The following CDYL2 variants were observed in gnomAD, a reference collection of about 807,000 sequenced individuals.
CDYL2 encodes the protein chromodomain Y like 2.
In CDYL2, 23 loss-of-function variants were observed where a neutral mutation model predicts 49.4. That is an observed-to-expected ratio of 0.47 (90% confidence interval 0.34 to 0.66). CDYL2 has a LOEUF of 0.66. Ranked by LOEUF, CDYL2 falls within the 30% of genes least tolerant of loss-of-function variation. The probability of loss-of-function intolerance (pLI) is 0.01; values close to 1 mark genes in which losing one functional copy is unlikely to be tolerated. For missense variants in CDYL2, 678 were observed against 656.4 expected, an observed-to-expected ratio of 1.03 and a Z score of -0.36; for synonymous variants, 360 against 268.8, an observed-to-expected ratio of 1.34 and a Z score of -3.32.
chr16:80,633,365 T>C (rs1907663444), intron 2 of CDYL2, 129 bp from the exon 3 acceptor site: 2 of 836,552 alleles, frequency 2.4e-6, no homozygotes, highest in South Asian at 1.7e-5. Context: ...TTCTCCCCTG[T>C]GCCACCCTCT....
intron 1 of CDYL2, among the ~76,000 whole-genome samples, chr16:80,758,020 T>C (rs1906373585): frequency 6.6e-6 from 1 of 151,944 alleles, no homozygotes; most frequent in Non-Finnish European, 1.5e-5. Context: ...AATAAATAAA[T>C]AAAATAAGGC....
At chr16:80,777,789 T>C (rs1362883631) in intron 1 of CDYL2, among the ~76,000 whole-genome samples, 1 of 152,080 alleles carries the variant, frequency 6.6e-6, no homozygotes, top group Non-Finnish European at 1.5e-5. Context: ...AGTTGACATG[T>C]TACATAAGCT....
At chr16:80,642,792 T>G (rs1359375442) in intron 2 of CDYL2, among the ~76,000 whole-genome samples, 1 of 152,114 alleles carries the variant, frequency 6.6e-6, no homozygotes, top group African/African-American at 2.4e-5. Context: ...TAGGGAAAAT[T>G]GCCCCCATGA....
intron 1 of CDYL2, among the ~76,000 whole-genome samples, chr16:80,704,749 G>A (rs902800546): frequency 6.6e-6 from 1 of 152,206 alleles, no homozygotes; most frequent in Non-Finnish European, 1.5e-5. Context: ...AACCAAGGAG[G>A]AATGTGGCCA....
At chr16:80,694,918 G>C (rs1236295777) in intron 1 of CDYL2, among the ~76,000 whole-genome samples, 1 of 152,206 alleles carries the variant, frequency 6.6e-6, no homozygotes, top group Non-Finnish European at 1.5e-5. Flanking sequence ...AGGGCCAAAT[G>C]AAAGAGCTCC....
At chr16:80,726,789 AAAAC>A (rs761444516) in intron 1 of CDYL2, among the ~76,000 whole-genome samples, 6 of 152,322 alleles carry the variant, frequency 3.9e-5, no homozygotes, top group South Asian at 2.1e-4. Context: ...CAACAATCAC[AAAAC>A]AAACAAACAA....
intron 1 of CDYL2, among the ~76,000 whole-genome samples, chr16:80,725,485 G>C (rs1905135439): frequency 6.6e-6 from 1 of 152,192 alleles, no homozygotes; most frequent in African/African-American, 2.4e-5. Flanking sequence ...CCCCAGCATA[G>C]CTCCTGGCCC....
intron 1 of CDYL2, among the ~76,000 whole-genome samples, chr16:80,725,529 T>C (rs954072201): frequency 1.2e-4 from 18 of 152,216 alleles, no homozygotes; most frequent in Non-Finnish European, 2.2e-4. Flanking sequence ...CATTGGATAA[T>C]TGAGTCTACA....
intron 1 of CDYL2, among the ~76,000 whole-genome samples, chr16:80,700,800 C>T (rs1252274953): frequency 1.3e-5 from 2 of 152,240 alleles, no homozygotes; most frequent in East Asian, 3.8e-4. Flanking sequence ...TACATAGGTT[C>T]ACATCATGCT....
chr16:80,732,040 G>A (rs890049687), intron 1 of CDYL2, among the ~76,000 whole-genome samples: 1 of 152,120 alleles, frequency 6.6e-6, no homozygotes, highest in African/African-American at 2.4e-5. Flanking sequence ...GCCAAGGATA[G>A]TGCAAGGCTC....
intron 1 of CDYL2, among the ~76,000 whole-genome samples, chr16:80,769,505 G>A (rs747061800): frequency 6.6e-6 from 1 of 152,242 alleles, no homozygotes; most frequent in Non-Finnish European, 1.5e-5. Context: ...AGTGACGACA[G>A]CCAAGTGGGT....
chr16:80,799,122 T>G (rs974591009), intron 1 of CDYL2, among the ~76,000 whole-genome samples: 1 of 152,104 alleles, frequency 6.6e-6, no homozygotes, highest in African/African-American at 2.4e-5. Flanking sequence ...CATAAACATG[T>G]GTAGAAAACA....
At chr16:80,607,798 G>T (rs971298330) in intron 6 of CDYL2, among the ~76,000 whole-genome samples, 1 of 152,120 alleles carries the variant, frequency 6.6e-6, no homozygotes, top group Non-Finnish European at 1.5e-5. Flanking sequence ...GATGTTTTGC[G>T]TTTTTGTGGT....
intron 2 of CDYL2, among the ~76,000 whole-genome samples, chr16:80,668,328 TA>T (rs1909356470): frequency 6.6e-6 from 1 of 152,102 alleles, no homozygotes; most frequent in Admixed American, 6.6e-5. Context: ...AAATAATGGA[TA>T]AATGAATAGA....
chr16:80,730,351 G>A (rs1007609369), intron 1 of CDYL2, among the ~76,000 whole-genome samples: 6 of 151,918 alleles, frequency 3.9e-5, no homozygotes, highest in African/African-American at 1.4e-4. Flanking sequence ...AGAAAATCTA[G>A]AAGAAATGGA....
At chr16:80,712,078 T>C (rs1195904580) in intron 1 of CDYL2, among the ~76,000 whole-genome samples, 5 of 149,416 alleles carry the variant, frequency 3.3e-5, no homozygotes, top group Admixed American at 6.7e-5. Flanking sequence ...TGTGTGTATA[T>C]AGATGTGTGT....
rs1465207134 is a variant in CDYL2, at chr16:80,632,171, C to A, written c.834+848G>T. ...TCAAAAGTAGAAACAAGCCAAAAGT[C>A]GAACAAATAGAAAAGGTGATAGATA... is the stretch of plus-strand genomic sequence containing the variant. On this transcript the variant is annotated intron_variant, in intron 3 of 6. Transcript: ENST00000570137. Among the ~76,000 whole-genome samples the A allele has an allele frequency of 3.3e-5, 5 of 151,800 alleles. No individual in the cohort carries two copies. The East Asian group carries it at 9.6e-4, about 29-fold the overall frequency.
chr16:80,655,152 G>C (rs1908750268), intron 2 of CDYL2, among the ~76,000 whole-genome samples: 1 of 152,198 alleles, frequency 6.6e-6, no homozygotes, highest in Admixed American at 6.5e-5. Context: ...CTAAGGCTGG[G>C]TGTCAATTAT....
intron 1 of CDYL2, among the ~76,000 whole-genome samples, chr16:80,722,260 C>A (rs546031722): frequency 6.6e-6 from 1 of 152,140 alleles, no homozygotes; most frequent in South Asian, 2.1e-4. Flanking sequence ...GTCCACCCCC[C>A]AGATTACTGA....
Sources: gnomAD v4.1 joint callset for allele counts (sites outside exome capture counted in the v4.1 genomes callset) on GRCh38, gnomAD v4.1.1 for gene constraint, MANE v1.5 for transcripts, NCBI Gene and HGNC (gene_info 2026-07-23, HGNC 2026-07-21) for gene names.